Variants in ETV6 observed in about 807,000 individuals in gnomAD.
ETV6 encodes the protein transcription factor ETV6.
Under a neutral mutation model 51.1 loss-of-function variants are expected in ETV6, and 16 were observed. That is an observed-to-expected ratio of 0.31 (90% CI 0.21 to 0.48). The LOEUF (loss-of-function observed/expected upper bound fraction) is 0.48, where lower values mean the gene tolerates loss of function less well. Ranked by LOEUF, ETV6 falls within the 20% of genes least tolerant of loss-of-function variation. The pLI is 0.99. For missense variants in ETV6, 458 were observed against 594.8 expected (o/e 0.77, Z 2.39); for synonymous variants, 240 against 224.1 (o/e 1.07, Z -0.64).
intron 2 of ETV6, among the ~76,000 whole-genome samples, chr12:11,755,052 C>G (rs867241743): frequency 1.3e-5 from 2 of 152,184 alleles, no homozygotes; most frequent in Non-Finnish European, 2.9e-5. Context: ...ATCCACTATA[C>G]CACCAAAAAG....
chr12:11,825,806 T>G (rs1223480054), intron 2 of ETV6: 1 of 151,998 alleles, frequency 6.6e-6, no homozygotes, highest in Non-Finnish European at 1.5e-5. Context: ...AGTTAGCAAT[T>G]CTTGCCAACA....
chr12:11,656,678 G>T (rs5022566), intron 1 of ETV6, among the ~76,000 whole-genome samples: 1 of 152,040 alleles, frequency 6.6e-6, no homozygotes, highest in African/African-American at 2.4e-5. Flanking sequence ...TCTTTTCCTT[G>T]TGTTTTTCTT....
At chr12:11,846,186 CAT>C (rs1946460790) in intron 3 of ETV6, among the ~76,000 whole-genome samples, 1 of 149,514 alleles carries the variant, frequency 6.7e-6, no homozygotes, top group East Asian at 2.0e-4. Flanking sequence ...AACATTCTGA[CAT>C]ATCTAAAAAG....
intron 1 of ETV6, among the ~76,000 whole-genome samples, chr12:11,706,949 C>CT (rs1230751044): frequency 1.3e-5 from 2 of 152,210 alleles, no homozygotes; most frequent in East Asian, 3.8e-4. Flanking sequence ...AGGGGACCAA[C>CT]TCCTGTGTAT....
chr12:11,850,655 G>A (rs1354264142), intron 3 of ETV6, among the ~76,000 whole-genome samples: 1 of 152,188 alleles, frequency 6.6e-6, no homozygotes, highest in Admixed American at 6.5e-5. Flanking sequence ...CCATCTTATT[G>A]AATCGTTACA....
At chr12:11,794,411 C>G (rs1251973492) in intron 2 of ETV6, among the ~76,000 whole-genome samples, 3 of 152,182 alleles carry the variant, frequency 2.0e-5, no homozygotes, top group Non-Finnish European at 4.4e-5. Context: ...AGCAGGTTTT[C>G]TAGTGCACGC....
intron 1 of ETV6, among the ~76,000 whole-genome samples, chr12:11,728,110 G>A (rs1020302873): frequency 3.3e-5 from 5 of 152,266 alleles, no homozygotes; most frequent in Non-Finnish European, 5.9e-5. Flanking sequence ...ATGAGCCACC[G>A]CTCCCCGGCC....
chr12:11,674,631 G>GTGTGTGTGTT (rs1864381165), intron 1 of ETV6, among the ~76,000 whole-genome samples: 2 of 149,440 alleles, frequency 1.3e-5, no homozygotes, highest in Non-Finnish European at 3.0e-5. Flanking sequence ...GTGTGTGTGT[G>GTGTGTGTGTT]TGTGTGTGTG....
intron 1 of ETV6, among the ~76,000 whole-genome samples, chr12:11,741,881 G>A (rs567085943): frequency 1.3e-5 from 2 of 152,290 alleles, no homozygotes; most frequent in Middle Eastern, 6.8e-3. Flanking sequence ...TCTGCATATT[G>A]CAATCACCTG....
intron 3 of ETV6, among the ~76,000 whole-genome samples, chr12:11,841,047 G>T (rs1471499592): frequency 1.3e-5 from 2 of 152,190 alleles, no homozygotes; most frequent in Admixed American, 6.5e-5. Flanking sequence ...GTTTTGACTT[G>T]ATTTGACTTG....
Position 11,752,488 on chromosome 12 carries a change from G to A in ETV6, c.72G>A (p.Val24=), listed in dbSNP as rs143194205. ...RISYTPPESP[V]PSYASSTPLH... ...CATATACACCTCCAGAGAGCCCAGT[G>A]CCGAGTTACGCTTCCTCGACGCCAC... The change falls in exon 2 of 8, where the codon GTG becomes GTA. Residue 24 remains valine, a synonymous_variant. Transcript: ENST00000396373. 374 of 1,613,926 alleles carry A rather than the reference G, an allele frequency of 2.3e-4. No individual in the cohort carries two copies. The highest frequency in any genetic ancestry group is 2.0e-3 in the Middle Eastern group (12 of 6,062).
chr12:11,751,385 C>G (rs138496852), intron 1 of ETV6: 1 of 518,962 alleles, frequency 1.9e-6, no homozygotes, highest in Admixed American at 1.9e-5. Context: ...TTCCTTTCCA[C>G]CATATTTTTG....
chr12:11,715,200 CT>C (rs564048962), intron 1 of ETV6, among the ~76,000 whole-genome samples: 116 of 152,274 alleles, frequency 7.6e-4, no homozygotes, highest in African/African-American at 2.6e-3. Flanking sequence ...GGCTATTTCT[CT>C]TTTCACTGGC....
intron 6 of ETV6, 44 bp downstream of exon 6, chr12:11,884,631 T>G: frequency 1.2e-6 from 2 of 1,610,064 alleles, no homozygotes; most frequent in Non-Finnish European, 1.7e-6. Flanking sequence ...AGTGCCAAAA[T>G]GAAGTCCTTA....
chr12:11,841,735 C>G lies in ETV6; in HGVS notation c.328+2431C>G, dbSNP rs532056549. 4.6e-5 allele frequency among the ~76,000 whole-genome samples: 7 copies of G among 152,266 alleles called. No individual in the cohort carries two copies. The East Asian group carries it at 1.4e-3, about 29-fold the overall frequency. ...AACCTCATAGACAAGGTAATGGAGC[C>G]TGACTTTGAAAACTTTGAAAGGCAA... On this transcript the variant is annotated intron_variant, in intron 3 of 7. Coordinates refer to ENST00000396373, the MANE Select transcript of ETV6 (RefSeq NM_001987.5).
At chr12:11,737,929 A>C (rs1390700773) in intron 1 of ETV6, among the ~76,000 whole-genome samples, 1 of 152,184 alleles carries the variant, frequency 6.6e-6, no homozygotes, top group Non-Finnish European at 1.5e-5. Context: ...GTGTTTGTTC[A>C]GGCTTAGACT....
At chr12:11,823,503 G>A (rs1463525311) in intron 2 of ETV6, among the ~76,000 whole-genome samples, 4 of 143,174 alleles carry the variant, frequency 2.8e-5, no homozygotes, top group African/African-American at 1.1e-4. Context: ...GTCTGGCACC[G>A]TCTCCCAGGC....
intron 1 of ETV6, among the ~76,000 whole-genome samples, chr12:11,698,038 TG>T (rs1864910579): frequency 6.6e-6 from 1 of 152,236 alleles, no homozygotes; most frequent in Admixed American, 6.5e-5. Flanking sequence ...GTTCCTTGTT[TG>T]ATGAAATACC....
At chr12:11,787,855 C>A (rs553420593) in intron 2 of ETV6, among the ~76,000 whole-genome samples, 10 of 152,108 alleles carry the variant, frequency 6.6e-5, no homozygotes, top group African/African-American at 2.4e-4. Context: ...CAAATCCAAT[C>A]AAAAATATAT....
Sources: gnomAD v4.1 joint callset for allele counts (sites outside exome capture counted in the v4.1 genomes callset) on GRCh38, gnomAD v4.1.1 for gene constraint, MANE v1.5 for transcripts, NCBI Gene and HGNC (gene_info 2026-07-23, HGNC 2026-07-21) for gene names.